The following MED13L variants were observed in gnomAD, a reference collection of about 807,000 sequenced individuals.
MED13L encodes the protein mediator complex subunit 13L, also known as mediator of RNA polymerase II transcription subunit 13-like.
Under a neutral mutation model 220.9 loss-of-function variants are expected in MED13L, and 7 were observed. That is an observed-to-expected ratio of 0.03 (90% CI 0.02 to 0.06). MED13L has a LOEUF of 0.06. MED13L is among the 10% of genes least tolerant of loss of function. The pLI, the probability that MED13L is intolerant of heterozygous loss-of-function variation, is 1.00. For synonymous variants in MED13L, 1,011 were observed against 1,015.2 expected, an observed-to-expected ratio of 1.00 and a Z score of 0.08; for missense variants, 1,965 against 2,760.5, an observed-to-expected ratio of 0.71 and a Z score of 6.46.
intron 4 of MED13L, among the ~76,000 whole-genome samples, chr12:116,053,152 T>G (rs748093204): frequency 1.3e-5 from 2 of 152,198 alleles, no homozygotes; most frequent in Non-Finnish European, 2.9e-5. Flanking sequence ...TAGTTTCTTA[T>G]TAAAAAGTAA....
intron 30 of MED13L, among the ~76,000 whole-genome samples, chr12:115,962,457 G>A (rs1444724781): frequency 6.6e-6 from 1 of 152,156 alleles, no homozygotes. Flanking sequence ...GTGGGGCCTG[G>A]TTCCTAACAA....
At chr12:116,080,174 T>A (rs1442532333) in intron 4 of MED13L, among the ~76,000 whole-genome samples, 1 of 152,164 alleles carries the variant, frequency 6.6e-6, no homozygotes, top group Non-Finnish European at 1.5e-5. Flanking sequence ...CACAGTGGCA[T>A]GATCAATTAG....
At position 115,975,741 on chromosome 12, in the gene MED13L, G is replaced by A; in HGVS notation, c.5365-3C>T. 1 of 1,613,122 alleles carries A rather than the reference G, an allele frequency of 6.2e-7. No homozygotes were observed. Among genetic ancestry groups the A allele is most frequent in the Non-Finnish European group, 8.5e-7 (1 of 1,179,628 alleles). ...TAAAGCTGGATTGGGCTGGGCCGCT[G>A]AAATCAAAACCAAAATCAATATCAG... On this transcript the variant is annotated splice_polypyrimidine_tract_variant and splice_region_variant and intron_variant, in intron 23 of 30. Transcript: ENST00000281928.
At chr12:116,040,855 T>C (rs1446878162) in intron 4 of MED13L, among the ~76,000 whole-genome samples, 2 of 151,438 alleles carry the variant, frequency 1.3e-5, no homozygotes, top group African/African-American at 2.4e-5. Flanking sequence ...CTACATGTGA[T>C]TGGCAAATCA....
chr12:116,078,674 G>T (rs1221016433), intron 4 of MED13L, among the ~76,000 whole-genome samples: 1 of 152,078 alleles, frequency 6.6e-6, no homozygotes, highest in African/African-American at 2.4e-5. Flanking sequence ...AGTACAATGT[G>T]AGACCTGACT....
chr12:115,981,993 C>A, intron 22 of MED13L: 1 of 201,300 alleles, frequency 5.0e-6, no homozygotes. Context: ...AAACCCAAAA[C>A]TTTTGGAATG....
chr12:116,158,019 G>A (rs979308472), intron 2 of MED13L, among the ~76,000 whole-genome samples: 10 of 152,110 alleles, frequency 6.6e-5, no homozygotes, highest in African/African-American at 1.7e-4. Flanking sequence ...AGACAGTCCG[G>A]AGTAAAAACA....
At chr12:116,207,834 G>A (rs554869036) in intron 2 of MED13L, among the ~76,000 whole-genome samples, 1 of 151,764 alleles carries the variant, frequency 6.6e-6, no homozygotes, top group South Asian at 2.1e-4. Flanking sequence ...AGGCCTAAAA[G>A]GTATGAGTAA....
At chr12:116,240,806 C>T (rs1455270245) in intron 1 of MED13L, among the ~76,000 whole-genome samples, 7 of 151,528 alleles carry the variant, frequency 4.6e-5, no homozygotes, top group East Asian at 2.0e-4. Context: ...GGATTACAGG[C>T]GCGAGCCACC....
chr12:116,077,134 C>T (rs1870868421), intron 4 of MED13L, among the ~76,000 whole-genome samples: 1 of 152,212 alleles, frequency 6.6e-6, no homozygotes, highest in African/African-American at 2.4e-5. Context: ...AATATCTCTT[C>T]TTTACTAGAG....
At chr12:116,177,938 C>T (rs936433041) in intron 2 of MED13L, among the ~76,000 whole-genome samples, 6 of 152,162 alleles carry the variant, frequency 3.9e-5, no homozygotes, top group African/African-American at 1.2e-4. Context: ...TCACTGCAGC[C>T]TCAATCTCCC....
At chr12:116,165,057 C>T (rs1349607104) in intron 2 of MED13L, among the ~76,000 whole-genome samples, 1 of 152,138 alleles carries the variant, frequency 6.6e-6, no homozygotes, top group Non-Finnish European at 1.5e-5. Context: ...CATGTACCTG[C>T]TTTTGGATTA....
intron 1 of MED13L, among the ~76,000 whole-genome samples, chr12:116,249,778 T>TA (rs1190351090): frequency 6.8e-5 from 3 of 44,420 alleles, no homozygotes; most frequent in Non-Finnish European, 1.4e-4. Flanking sequence ...CTTTAAAACA[T>TA]ACGATATTAA....
At chr12:116,255,338 A>T (rs1871947219) in intron 1 of MED13L, among the ~76,000 whole-genome samples, 1 of 152,226 alleles carries the variant, frequency 6.6e-6, no homozygotes, top group Admixed American at 6.5e-5. Flanking sequence ...ACAAAACCAG[A>T]ACTTCAATCC....
chr12:116,215,970 C>T (rs964116621), intron 2 of MED13L, among the ~76,000 whole-genome samples: 5 of 152,258 alleles, frequency 3.3e-5, no homozygotes, highest in African/African-American at 1.2e-4. Context: ...ATGTATTAAC[C>T]CAGTATTCAA....
chr12:115,979,358 CAA>C (rs1877170047), intron 23 of MED13L, among the ~76,000 whole-genome samples: 1 of 151,748 alleles, frequency 6.6e-6, no homozygotes, highest in South Asian at 2.1e-4. Flanking sequence ...TTTCTGGAAA[CAA>C]AATAAAAAAC....
At chr12:116,277,021 T>TGCCCC in intron 1 of MED13L, 39 bp downstream of exon 1, 1 of 1,118,928 alleles carries the variant, frequency 8.9e-7, no homozygotes, top group Non-Finnish European at 1.3e-6. Context: ...CCCCCCCCCT[T>TGCCCC]CCCCGGCACA....
intron 2 of MED13L, among the ~76,000 whole-genome samples, chr12:116,236,358 G>A (rs1870079973): frequency 6.6e-6 from 1 of 152,294 alleles, no homozygotes; most frequent in Non-Finnish European, 1.5e-5. Flanking sequence ...TCTGGCTGCT[G>A]TGGCAGGAGA....
Position 115,991,518 on chromosome 12 carries a change from C to T in MED13L, c.3436G>A (p.Gly1146Arg). Residue 1146 changes from glycine to arginine, a missense_variant, in exon 17 of 31, where the codon GGG becomes AGG. Transcript: ENST00000281928. The surrounding 1 kb of genome is among the most constrained non-coding windows in gnomAD (Gnocchi z 7.7). Reference protein sequence around the residue: ...CNMNIKGADVGLYIPDSSNED... With the variant: ...CNMNIKGADVRLYIPDSSNED... ...TTGGAAGAATCGGGGATGTAAAGCCCGACATCCGCCCCTTTGATGTTCATG... is the reference window on the plus strand; with the variant it reads ...TTGGAAGAATCGGGGATGTAAAGCCTGACATCCGCCCCTTTGATGTTCATG... The T allele has an allele frequency of 6.2e-7, 1 of 1,614,108 alleles. No homozygotes were observed. Among genetic ancestry groups the T allele is most frequent in the Non-Finnish European group, 8.5e-7 (1 of 1,180,028 alleles).
Sources: gnomAD v4.1 joint callset for allele counts (sites outside exome capture counted in the v4.1 genomes callset) on GRCh38, gnomAD v4.1.1 for gene constraint, Gnocchi (gnomAD v3.1) non-coding constraint, MANE v1.5 for transcripts, NCBI Gene and HGNC (gene_info 2026-07-23, HGNC 2026-07-21) for gene names.